The following CCSER1 variants were observed in gnomAD, a reference collection of about 807,000 sequenced individuals.
The protein encoded by CCSER1 is serine-rich coiled-coil domain-containing protein 1.
CCSER1 carries 41 observed loss-of-function variants against 82.0 expected under a neutral mutation model. That is an observed-to-expected ratio of 0.50 (90% CI 0.39 to 0.65). The LOEUF (loss-of-function observed/expected upper bound fraction) is 0.65, where lower values mean the gene tolerates loss of function less well. CCSER1 is among the 30% of genes least tolerant of loss of function. The pLI, the probability that CCSER1 is intolerant of heterozygous loss-of-function variation, is 0.00. For synonymous variants in CCSER1, 414 were observed against 383.9 expected, an observed-to-expected ratio of 1.08 and a Z score of -0.92; for missense variants, 1,119 against 1,064.2, an observed-to-expected ratio of 1.05 and a Z score of -0.72.
intron 9 of CCSER1, among the ~76,000 whole-genome samples, chr4:91,038,805 G>C (rs1331083006): frequency 1.3e-5 from 2 of 152,070 alleles, no homozygotes; most frequent in Non-Finnish European, 2.9e-5. Context: ...AGATGACATA[G>C]GAGTCATATT....
chr4:91,555,437 T>TA (rs1184352957), intron 10 of CCSER1, among the ~76,000 whole-genome samples: 1 of 151,090 alleles, frequency 6.6e-6, no homozygotes, highest in Non-Finnish European at 1.5e-5. Context: ...ATACTAAGAC[T>TA]AGTTTAAAGC....
At chr4:90,859,311 T>C (rs777655763) in intron 8 of CCSER1, among the ~76,000 whole-genome samples, 2 of 151,896 alleles carry the variant, frequency 1.3e-5, no homozygotes, top group Non-Finnish European at 2.9e-5. Context: ...GAAAAAATGT[T>C]ATTGTCCACT....
chr4:91,513,453 A>G (rs536563341), intron 10 of CCSER1, among the ~76,000 whole-genome samples: 1 of 152,204 alleles, frequency 6.6e-6, no homozygotes, highest in East Asian at 1.9e-4. Context: ...CCAGGTTTTG[A>G]TATCATAGTG....
chr4:90,620,199 A>G (rs930103896), intron 5 of CCSER1, among the ~76,000 whole-genome samples: 2 of 152,178 alleles, frequency 1.3e-5, no homozygotes, highest in African/African-American at 4.8e-5. Flanking sequence ...ACTTAATAAT[A>G]TTTCACTATT....
At chr4:91,187,776 C>T (rs1734685105) in intron 10 of CCSER1, among the ~76,000 whole-genome samples, 1 of 152,066 alleles carries the variant, frequency 6.6e-6, no homozygotes, top group African/African-American at 2.4e-5. Flanking sequence ...TGGTCTCAAA[C>T]TCCTGACCTC....
intron 5 of CCSER1, among the ~76,000 whole-genome samples, chr4:90,552,312 T>G (rs1046222934): frequency 6.6e-6 from 1 of 152,148 alleles, no homozygotes; most frequent in Non-Finnish European, 1.5e-5. Context: ...ATGGTTAAAC[T>G]AATGTGGTAT....
chr4:91,043,558 G>A (rs1280742058), intron 9 of CCSER1, among the ~76,000 whole-genome samples: 1 of 149,430 alleles, frequency 6.7e-6, no homozygotes, highest in Admixed American at 6.7e-5. Context: ...AAAAAACAAG[G>A]ATAACGCTAA....
At chr4:90,650,028 A>C (rs911187094) in intron 6 of CCSER1, among the ~76,000 whole-genome samples, 1 of 152,130 alleles carries the variant, frequency 6.6e-6, no homozygotes, top group African/African-American at 2.4e-5. Flanking sequence ...CAGCTTGGCC[A>C]ACATAGTGAA....
intron 1 of CCSER1, among the ~76,000 whole-genome samples, chr4:90,240,771 A>G (rs1468764383): frequency 6.6e-6 from 1 of 152,126 alleles, no homozygotes; most frequent in African/African-American, 2.4e-5. Flanking sequence ...CAGGTGCCCA[A>G]TTTTAGCCCC....
intron 10 of CCSER1, among the ~76,000 whole-genome samples, chr4:91,385,613 T>C (rs1578330486): frequency 6.6e-6 from 1 of 151,822 alleles, no homozygotes; most frequent in South Asian, 2.1e-4. Flanking sequence ...ATGAATAGCA[T>C]TAGTAAACTG....
chr4:90,861,926 A>ATATATATTTT (rs1486179354), intron 8 of CCSER1, among the ~76,000 whole-genome samples: 4 of 125,682 alleles, frequency 3.2e-5, no homozygotes, highest in African/African-American at 1.1e-4. Context: ...ATATATATAT[A>ATATATATTTT]TTTTTTTTTT....
intron 5 of CCSER1, among the ~76,000 whole-genome samples, chr4:90,552,549 C>G (rs1269362837): frequency 1.3e-5 from 2 of 152,044 alleles, no homozygotes; most frequent in Admixed American, 1.3e-4. Flanking sequence ...CCTCCACTTC[C>G]CGGGCTCAAG....
chr4:91,399,516 C>T (rs1752194502), intron 10 of CCSER1, among the ~76,000 whole-genome samples: 1 of 151,906 alleles, frequency 6.6e-6, no homozygotes, highest in Non-Finnish European at 1.5e-5. Context: ...TTCCTCTAAC[C>T]ACTGAACAGG....
At chr4:90,386,965 A>G (rs1005846557) in intron 3 of CCSER1, among the ~76,000 whole-genome samples, 3 of 152,090 alleles carry the variant, frequency 2.0e-5, no homozygotes, top group African/African-American at 7.2e-5. Flanking sequence ...ATATTTGTTT[A>G]TTGTCTAGGT....
At chr4:90,401,776 G>A (rs962772792) in intron 4 of CCSER1, among the ~76,000 whole-genome samples, 1 of 152,140 alleles carries the variant, frequency 6.6e-6, no homozygotes, top group Non-Finnish European at 1.5e-5. Context: ...AGATCCACTT[G>A]CCTCCGTCTC....
intron 4 of CCSER1, among the ~76,000 whole-genome samples, chr4:90,418,600 T>C (rs547089318): frequency 6.6e-6 from 1 of 152,164 alleles, no homozygotes; most frequent in African/African-American, 2.4e-5. Context: ...ATATCCCAGC[T>C]AGACTCAAAC....
chr4:91,523,601 G>C (rs1270137277), intron 10 of CCSER1, among the ~76,000 whole-genome samples: 1 of 152,100 alleles, frequency 6.6e-6, no homozygotes, highest in East Asian at 1.9e-4. Flanking sequence ...GTTTAGTCTT[G>C]GGAGGGTATA....
At chr4:91,151,425 T>C (rs908954177) in intron 10 of CCSER1, among the ~76,000 whole-genome samples, 1 of 152,220 alleles carries the variant, frequency 6.6e-6, no homozygotes, top group African/African-American at 2.4e-5. Context: ...AACCAGCTCC[T>C]GGATTCATTG....
intron 10 of CCSER1, among the ~76,000 whole-genome samples, chr4:91,537,288 C>G (rs1229212908): frequency 2.0e-5 from 3 of 152,020 alleles, no homozygotes; most frequent in Non-Finnish European, 2.9e-5. Flanking sequence ...CAGCAGGGCT[C>G]CATGCTTTTA....
Sources: gnomAD v4.1 joint callset for allele counts (sites outside exome capture counted in the v4.1 genomes callset) on GRCh38, gnomAD v4.1.1 for gene constraint, MANE v1.5 for transcripts, NCBI Gene and HGNC (gene_info 2026-07-23, HGNC 2026-07-21) for gene names.